Variants in MYOT observed in about 807,000 individuals in gnomAD.
MYOT encodes myotilin.
MYOT carries 36 observed loss-of-function variants against 58.0 expected under a neutral mutation model. The observed-to-expected ratio is 0.62, with a 90% CI of 0.48 to 0.82. The LOEUF is 0.82. MYOT is among the 40% of genes least tolerant of loss of function. MYOT has a pLI of 0.00. For missense variants in MYOT, 505 were observed against 592.1 expected, an observed-to-expected ratio of 0.85 and a Z score of 1.53; for synonymous variants, 218 against 204.6, an observed-to-expected ratio of 1.07 and a Z score of -0.56.
Position 137,886,082 on chromosome 5 carries a change from C to A in MYOT, c.1059C>A (p.Tyr353Ter). The change falls in exon 8 of 10, where the codon TAC becomes TAA. Residue 353 changes from tyrosine to a stop codon, truncating the protein, a stop_gained. Coordinates refer to ENST00000239926, the MANE Select transcript of MYOT (RefSeq NM_006790.3). LOFTEE classifies it high-confidence loss of function. Reference protein sequence around the residue: ...KEHKRAPMFIYKPQSKKVLEG... With the variant: ...KEHKRAPMFI ...ATAAAAGAGCACCAATGTTTATCTA[C>A]AAACCACAGAGCAAAAAAGTTTTAG... The A allele has an allele frequency of 6.2e-7, 1 of 1,606,292 alleles. No homozygotes were observed. The highest frequency in any genetic ancestry group is 8.5e-7 in the Non-Finnish European group (1 of 1,173,562).
Position 137,881,968 on chromosome 5 carries a change from TGTAGAA to T in MYOT, c.685_690del (p.Arg230_Ser231del). On this transcript the variant is annotated splice_acceptor_variant and splice_polypyrimidine_tract_variant and coding_sequence_variant and intron_variant, in exon 6 of 10. Coordinates refer to ENST00000239926, the MANE Select transcript of MYOT (RefSeq NM_006790.3). LOFTEE classifies it high-confidence loss of function. The stretch of plus-strand genomic sequence containing the variant: ...CGCATAGTTGTTACCAAAATATTCT[TGTAGAA>T]GTAGATCAACCTCAAGGGGAGATGT... 1.4e-5 allele frequency: 23 copies of T among 1,613,576 alleles called. No homozygotes were observed. The highest frequency in any genetic ancestry group is 1.6e-5 in the Non-Finnish European group (19 of 1,179,568).
chr5:137,868,819 T>C (rs1325513424), intron 1 of MYOT, among the ~76,000 whole-genome samples: 1 of 152,168 alleles, frequency 6.6e-6, no homozygotes, highest in African/African-American at 2.4e-5. Flanking sequence ...GACTTTTTTT[T>C]TAGATCTACT....
intron 3 of MYOT, among the ~76,000 whole-genome samples, chr5:137,876,474 G>T (rs796213408): frequency 2.0e-5 from 3 of 152,180 alleles, no homozygotes; most frequent in Non-Finnish European, 2.9e-5. Context: ...CTCTCAATCA[G>T]AAGTTAGTAC....
At chr5:137,878,750 G>A (rs1425574798) in intron 4 of MYOT, among the ~76,000 whole-genome samples, 2 of 152,116 alleles carry the variant, frequency 1.3e-5, no homozygotes, top group Non-Finnish European at 2.9e-5. Context: ...TTGAACCCGT[G>A]AGATGGAGGT....
chr5:137,873,222 T>A (rs1239594524), intron 2 of MYOT, among the ~76,000 whole-genome samples: 12 of 137,656 alleles, frequency 8.7e-5, no homozygotes, highest in African/African-American at 2.9e-4. Flanking sequence ...GCTAGCATTT[T>A]TAAAAAAAAA....
intron 8 of MYOT, 28 bp downstream of exon 8, chr5:137,886,241 T>TA (rs1561665687): frequency 6.4e-7 from 1 of 1,558,620 alleles, no homozygotes; most frequent in Admixed American, 1.7e-5. Flanking sequence ...AGACTTACTA[T>TA]AGTTTATTTG....
At chr5:137,884,383 T>C (rs926481953) in intron 7 of MYOT, among the ~76,000 whole-genome samples, 1 of 152,082 alleles carries the variant, frequency 6.6e-6, no homozygotes, top group Non-Finnish European at 1.5e-5. Flanking sequence ...CAAGAGTAAA[T>C]ATCAACTTTT....
At position 137,875,718 on chromosome 5, in the gene MYOT, T is replaced by C. The variant is rs920237370; in HGVS notation, c.357-111T>C. 13 of 939,828 alleles carry C rather than the reference T, an allele frequency of 1.4e-5. No individual in the cohort carries two copies. The Admixed American group carries it at 3.1e-4, about 23-fold the overall frequency. The allele number at this position is 939,828 out of a possible 1,614,324, so 58.2% of individuals were successfully genotyped here. A position where few individuals can be genotyped will look rare whatever the true frequency, so the allele number is the denominator to read the frequency against. On this transcript the variant is annotated intron_variant, in intron 2 of 9. Transcript: ENST00000239926. Reference sequence around the variant, plus strand: ...TCTTGACTGTTATTAGGGCAATTTGTTTTTAATAATACTAGTAGTACTAAG... The same window carrying C: ...TCTTGACTGTTATTAGGGCAATTTGCTTTTAATAATACTAGTAGTACTAAG...
rs573678193 is a variant in MYOT at position 137,881,023 on chromosome 5, G to A, written c.683+158G>A. ...CTGAGAAGATGACCAAAATTTTGAC[G>A]TTCATCATCAAAACTATCACAGGGG... On this transcript the variant is annotated intron_variant, in intron 5 of 9. Coordinates refer to ENST00000239926, the MANE Select transcript of MYOT (RefSeq NM_006790.3). 1.1e-4 allele frequency among the ~76,000 whole-genome samples: 17 copies of A among 152,168 alleles called. No homozygotes were observed. In the South Asian group the frequency reaches 1.5e-3, roughly 13 times the overall value.
At chr5:137,869,086 C>T (rs938926952) in intron 1 of MYOT, among the ~76,000 whole-genome samples, 2 of 152,020 alleles carry the variant, frequency 1.3e-5, no homozygotes, top group Non-Finnish European at 2.9e-5. Context: ...TGAAGGTATC[C>T]TATTATTTAG....
intron 1 of MYOT, among the ~76,000 whole-genome samples, chr5:137,868,866 T>G (rs1028226673): frequency 6.6e-6 from 1 of 152,166 alleles, no homozygotes; most frequent in East Asian, 1.9e-4. Context: ...CCCAACAATT[T>G]AAATGCCTAA....
intron 7 of MYOT, among the ~76,000 whole-genome samples, chr5:137,884,522 T>C (rs1288009477): frequency 6.6e-6 from 1 of 152,200 alleles, no homozygotes; most frequent in Non-Finnish European, 1.5e-5. Flanking sequence ...GCAGTTCTTA[T>C]AAAACTGGTG....
intron 7 of MYOT, among the ~76,000 whole-genome samples, chr5:137,885,334 A>G (rs1445035756): frequency 4.6e-5 from 7 of 152,128 alleles, no homozygotes; most frequent in Non-Finnish European, 7.4e-5. Context: ...ATAACAATAG[A>G]TAAAACTGAG....
chr5:137,880,654 T>C (rs1441725284), intron 4 of MYOT, 162 bp from the exon 5 acceptor site: 2 of 614,676 alleles, frequency 3.3e-6, no homozygotes, highest in African/African-American at 1.9e-5. Flanking sequence ...AGTATGTTAG[T>C]GCACTGTACT....
chr5:137,881,989 A>T lies in MYOT; in HGVS notation c.700A>T (p.Arg234Trp). 1 of 1,614,060 alleles carries T rather than the reference A, an allele frequency of 6.2e-7. No homozygotes were observed. The highest frequency in any genetic ancestry group is 1.1e-5 in the South Asian group (1 of 91,082). Residue 234 changes from arginine (R) to tryptophan (W), a missense_variant, in exon 6 of 10, where the codon AGG (arginine) becomes TGG (tryptophan). By Grantham distance (101) the Arg-to-Trp change is moderately radical (BLOSUM62 -3). Coordinates refer to ENST00000239926, the MANE Select transcript of MYOT (RefSeq NM_006790.3). Reference protein sequence around the residue: ...TSQVRSRSTSRGDVNDQDAIQ... With the variant: ...TSQVRSRSTSWGDVNDQDAIQ... ...TTCTTGTAGAAGTAGATCAACCTCA[A>T]GGGGAGATGTGAATGATCAGGATGC... is the stretch of plus-strand genomic sequence containing the variant.
chr5:137,885,372 C>A (rs541067698), intron 7 of MYOT, among the ~76,000 whole-genome samples: 37 of 152,006 alleles, frequency 2.4e-4, no homozygotes, highest in Admixed American at 1.6e-3. Context: ...AAAATTTTAC[C>A]AATTTGGCAT....
In MYOT at chr5:137,870,650, G is replaced by A; in HGVS notation, c.-2G>A. 1 of 1,612,788 alleles carries A rather than the reference G, an allele frequency of 6.2e-7. No homozygotes were observed. The highest frequency in any genetic ancestry group is 8.5e-7 in the Non-Finnish European group (1 of 1,178,808). ...CCTTCATCTTCCATATACCAACTAA[G>A]CATGTTTAACTACGAACGTCCAAAA... is the stretch of plus-strand genomic sequence containing the variant. On this transcript the variant is annotated 5_prime_UTR_variant, in exon 2 of 10. Transcript: ENST00000239926.
intron 5 of MYOT, 121 bp downstream of exon 5, chr5:137,880,986 A>G: frequency 1.4e-6 from 1 of 738,294 alleles, no homozygotes. Context: ...TACAATGTGT[A>G]TTTTCTAATG....
Position 137,870,752 on chromosome 5 carries a change from A to T in MYOT, c.101A>T (p.Gln34Leu), listed in dbSNP as rs1262844623. 1 of 1,614,240 alleles carries T rather than the reference A, an allele frequency of 6.2e-7. No homozygotes were observed. The highest frequency in any genetic ancestry group is 8.5e-7 in the Non-Finnish European group (1 of 1,180,048). Reference sequence around the variant, plus strand: ...CCAGAAACCTCCAGCTTCTCTAGCCAGACCAAACAGTCTTCCATTATCATC... The same window carrying T: ...CCAGAAACCTCCAGCTTCTCTAGCCTGACCAAACAGTCTTCCATTATCATC... The part of the protein sequence containing the change: ...PGPETSSFSS[Q>L]TKQSSIIIQP... Residue 34 changes from glutamine (Q) to leucine (L), a missense_variant, in exon 2 of 10, where the codon CAG becomes CTG. Gln to Leu is a moderately radical substitution (Grantham distance 113). Coordinates refer to ENST00000239926, the MANE Select transcript of MYOT (RefSeq NM_006790.3).
Sources: gnomAD v4.1 joint callset for allele counts (sites outside exome capture counted in the v4.1 genomes callset) on GRCh38, gnomAD v4.1.1 for gene constraint, MANE v1.5 for transcripts, NCBI Gene and HGNC (gene_info 2026-07-23, HGNC 2026-07-21) for gene names.